ARID1B: variants seen among roughly 807,000 people sequenced by gnomAD.
The protein encoded by ARID1B is AT-rich interactive domain-containing protein 1B.
A neutral mutation model predicts 212.3 loss-of-function variants in ARID1B; 30 were observed. The observed-to-expected ratio is 0.14, with a 90% confidence interval of 0.11 to 0.19. ARID1B has a LOEUF of 0.19. Ranked by LOEUF, ARID1B falls within the 10% of genes least tolerant of loss-of-function variation. ARID1B has a pLI of 1.00. For missense variants in ARID1B, 2,891 were observed against 3,204.0 expected (o/e 0.90, Z 2.36); for synonymous variants, 1,402 against 1,301.7 (o/e 1.08, Z -1.66).
chr6:156,968,640 T>C (rs539126335), intron 4 of ARID1B, among the ~76,000 whole-genome samples: 2 of 152,356 alleles, frequency 1.3e-5, no homozygotes, highest in South Asian at 4.1e-4. Flanking sequence ...AGTCTCGACA[T>C]GCTCATCACC....
intron 6 of ARID1B, among the ~76,000 whole-genome samples, chr6:157,115,115 C>G (rs1053670155): frequency 4.6e-5 from 7 of 152,226 alleles, no homozygotes; most frequent in African/African-American, 1.4e-4. Context: ...CCCACCCCAT[C>G]TCTTTTTCGG....
intron 2 of ARID1B, among the ~76,000 whole-genome samples, chr6:156,880,739 CA>C (rs141153792): frequency 0.07 from 6,063 of 86,818 alleles, 21 homozygotes; most frequent in East Asian, 0.2. Context: ...GACTCTGTCT[CA>C]AAAAAAAAAA....
At chr6:156,847,334 T>C (rs192085767) in intron 2 of ARID1B, among the ~76,000 whole-genome samples, 15 of 152,244 alleles carry the variant, frequency 9.9e-5, no homozygotes, top group Admixed American at 3.9e-4. Context: ...GAGGAGGCCA[T>C]GTAAGGGTGG....
intron 4 of ARID1B, among the ~76,000 whole-genome samples, chr6:156,958,368 TC>T (rs1794121543): frequency 6.6e-6 from 1 of 152,264 alleles, no homozygotes; most frequent in Admixed American, 6.5e-5. Context: ...ACTGTACACT[TC>T]AGCAGCAAAA....
chr6:156,896,302 C>T (rs545651761), intron 2 of ARID1B, among the ~76,000 whole-genome samples: 1 of 152,242 alleles, frequency 6.6e-6, no homozygotes, highest in Non-Finnish European at 1.5e-5. Flanking sequence ...TTAGGCCAGG[C>T]TCAGTAGCTC....
At chr6:156,823,155 G>T (rs922702966) in intron 1 of ARID1B, among the ~76,000 whole-genome samples, 1 of 151,948 alleles carries the variant, frequency 6.6e-6, no homozygotes, top group East Asian at 1.9e-4. Context: ...TGTGTAGTCC[G>T]CTGTGTTGGT....
At chr6:156,885,349 C>G (rs1037802103) in intron 2 of ARID1B, among the ~76,000 whole-genome samples, 2 of 152,128 alleles carry the variant, frequency 1.3e-5, no homozygotes, top group African/African-American at 2.4e-5. Context: ...GGGTAAGTAT[C>G]ATTTTATGAT....
At chr6:156,813,086 G>GTGTATACATATATA (rs1294018327) in intron 1 of ARID1B, among the ~76,000 whole-genome samples, 13 of 125,408 alleles carry the variant, frequency 1.0e-4, no homozygotes, top group African/African-American at 3.2e-4. Context: ...ACATACGTAT[G>GTGTATACATATATA]TATATACATA....
chr6:156,781,946 A>G (rs1299525456), intron 1 of ARID1B, among the ~76,000 whole-genome samples: 2 of 102,616 alleles, frequency 1.9e-5, no homozygotes, highest in Non-Finnish European at 3.9e-5. Flanking sequence ...GAATGAATCC[A>G]TTATGTCCCT....
chr6:157,070,388 C>T lies in ARID1B; in HGVS notation c.2248-14274C>T, dbSNP rs142405754. On this transcript the variant is annotated intron_variant, in intron 4 of 19. Coordinates refer to ENST00000636930, the MANE Select transcript of ARID1B (RefSeq NM_001374828.1). ...AATTGCTAAATATCAACATCTCTTC[C>T]TATTGCTAGTATACTGACACCTCCT... 5.8e-3 allele frequency among the ~76,000 whole-genome samples: 876 copies of T among 152,198 alleles called. 17 individuals carry two copies. Among genetic ancestry groups the T allele is most frequent in the African/African-American group, 0.02 (839 of 41,512 alleles).
At chr6:156,880,222 AAG>A (rs1031109605) in intron 2 of ARID1B, among the ~76,000 whole-genome samples, 29 of 152,314 alleles carry the variant, frequency 1.9e-4, no homozygotes, top group African/African-American at 7.0e-4. Context: ...AGGATGTGAT[AAG>A]AGAGAGAAGG....
intron 7 of ARID1B, among the ~76,000 whole-genome samples, chr6:157,144,082 A>G (rs1301163019): frequency 6.6e-6 from 1 of 152,256 alleles, no homozygotes; most frequent in East Asian, 1.9e-4. Context: ...CTATTGAAAC[A>G]CAGCTCCTCT....
intron 4 of ARID1B, among the ~76,000 whole-genome samples, chr6:157,025,725 G>T (rs1256696757): frequency 6.6e-6 from 1 of 152,064 alleles, no homozygotes; most frequent in Admixed American, 6.5e-5. Flanking sequence ...AAGGGTATTT[G>T]GATTGTTTTC....
chr6:156,923,675 C>G (rs1345617871), intron 3 of ARID1B, among the ~76,000 whole-genome samples: 1 of 151,768 alleles, frequency 6.6e-6, no homozygotes, highest in Non-Finnish European at 1.5e-5. Context: ...GCATCATGGC[C>G]ACTGGATAAA....
intron 9 of ARID1B, among the ~76,000 whole-genome samples, chr6:157,172,095 T>C (rs1248080306): frequency 6.6e-6 from 1 of 152,216 alleles, no homozygotes; most frequent in East Asian, 1.9e-4. Context: ...AGCCAGGACA[T>C]GTGGACTCGC....
chr6:156,913,148 T>A (rs931961804), intron 3 of ARID1B, among the ~76,000 whole-genome samples: 1 of 151,764 alleles, frequency 6.6e-6, no homozygotes, highest in Admixed American at 6.6e-5. Context: ...AATTAACATA[T>A]ACATTACCTC....
intron 8 of ARID1B, among the ~76,000 whole-genome samples, chr6:157,155,704 A>G (rs1381796666): frequency 6.6e-6 from 1 of 152,210 alleles, no homozygotes; most frequent in African/African-American, 2.4e-5. Context: ...TTAGCCACTC[A>G]TTAACAGGGT....
intron 3 of ARID1B, 51 bp from the exon 4 acceptor site, chr6:156,935,415 A>G (rs1428473869): frequency 6.8e-7 from 1 of 1,460,002 alleles, no homozygotes; most frequent in African/African-American, 1.4e-5. Context: ...GAAGAAGCTT[A>G]TAACTCATTG....
intron 2 of ARID1B, among the ~76,000 whole-genome samples, chr6:156,833,612 T>C (rs1583127008): frequency 6.6e-6 from 1 of 152,332 alleles, no homozygotes. Flanking sequence ...TTTTTTAGTT[T>C]TTAAAGGCAT....
Sources: allele counts gnomAD v4.1 joint callset (sites outside exome capture counted in the v4.1 genomes callset), GRCh38; gene constraint gnomAD v4.1.1; transcripts MANE v1.5; gene names NCBI Gene and HGNC (gene_info 2026-07-23, HGNC 2026-07-21).